Variants in ADGRL3 observed in about 807,000 individuals in gnomAD.
ADGRL3 encodes the protein adhesion G protein-coupled receptor L3.
ADGRL3 carries 62 observed loss-of-function variants against 153.5 expected under a neutral mutation model. That is an observed-to-expected ratio of 0.40 (90% CI 0.33 to 0.50). The LOEUF (loss-of-function observed/expected upper bound fraction) is 0.50. Ranked by LOEUF, ADGRL3 falls within the 20% of genes least tolerant of loss-of-function variation. The probability of loss-of-function intolerance (pLI) is 0.47; values close to 1 mark genes in which losing one functional copy is unlikely to be tolerated. For synonymous variants in ADGRL3, 710 were observed against 672.5 expected (o/e 1.06, Z -0.86); for missense variants, 1,641 against 1,859.4 (o/e 0.88, Z 2.16).
chr4:61,979,487 T>C, intron 17 of ADGRL3, 76 bp from the exon 18 acceptor site: 1 of 1,130,088 alleles, frequency 8.8e-7, no homozygotes, highest in Non-Finnish European at 1.3e-6. Context: ...TCATGCTTTG[T>C]GCATCCAGGC....
chr4:61,649,462 A>T (rs1322063727), intron 5 of ADGRL3, among the ~76,000 whole-genome samples: 4 of 152,098 alleles, frequency 2.6e-5, no homozygotes, highest in Non-Finnish European at 5.9e-5. Flanking sequence ...TGTAGGTGGA[A>T]CTTTGCTCTT....
At chr4:61,405,729 A>G (rs2096986527) in intron 2 of ADGRL3, among the ~76,000 whole-genome samples, 1 of 151,948 alleles carries the variant, frequency 6.6e-6, no homozygotes, top group Admixed American at 6.6e-5. Context: ...CCAAATTCTT[A>G]TGTTGAGAAG....
At chr4:61,595,390 A>C (rs534982426) in intron 5 of ADGRL3, among the ~76,000 whole-genome samples, 1 of 152,190 alleles carries the variant, frequency 6.6e-6, no homozygotes, top group Admixed American at 6.5e-5. Context: ...AAGTCCTTCC[A>C]GGACTGGGCT....
intron 2 of ADGRL3, among the ~76,000 whole-genome samples, chr4:61,413,983 C>T (rs2097117514): frequency 1.3e-5 from 2 of 152,158 alleles, no homozygotes; most frequent in South Asian, 4.1e-4. Flanking sequence ...ATAATTTCTA[C>T]ATATTTGACA....
At chr4:61,609,743 G>A (rs1308656486) in intron 5 of ADGRL3, among the ~76,000 whole-genome samples, 2 of 152,026 alleles carry the variant, frequency 1.3e-5, no homozygotes, top group African/African-American at 4.8e-5. Context: ...ATTTTCAAAT[G>A]TGTAGCATTG....
At chr4:61,620,619 T>C (rs1325148159) in intron 5 of ADGRL3, among the ~76,000 whole-genome samples, 2 of 149,782 alleles carry the variant, frequency 1.3e-5, no homozygotes, top group African/African-American at 4.9e-5. Context: ...ATGGTATATA[T>C]AGTGTAAATT....
In ADGRL3 at chr4:61,760,994, G is replaced by C. The variant is rs147396495; in HGVS notation, c.1399+27440G>C. 2.8e-3 allele frequency among the ~76,000 whole-genome samples: 433 copies of C among 152,308 alleles called. 3 individuals carry two copies. The highest frequency in any genetic ancestry group is 1.0e-2 in the African/African-American group (414 of 41,568). On this transcript the variant is annotated intron_variant, in intron 8 of 26. Coordinates refer to ENST00000683033, the MANE Select transcript of ADGRL3 (RefSeq NM_001387552.1). Reference sequence around the variant, plus strand: ...CCAGGAGTGCTAATTGGTTAGGTAGGAGATGAAATCATAGGGAATTGAAGC... The same window carrying C: ...CCAGGAGTGCTAATTGGTTAGGTAGCAGATGAAATCATAGGGAATTGAAGC...
At chr4:61,300,730 A>C (rs2094552502) in intron 1 of ADGRL3, among the ~76,000 whole-genome samples, 1 of 151,424 alleles carries the variant, frequency 6.6e-6, no homozygotes, top group African/African-American at 2.4e-5. Flanking sequence ...GTTTGTCCCT[A>C]ATGCTTAAGA....
intron 4 of ADGRL3, among the ~76,000 whole-genome samples, chr4:61,536,742 T>C (rs550734079): frequency 1.3e-5 from 2 of 152,238 alleles, no homozygotes; most frequent in Non-Finnish European, 2.9e-5. Context: ...ATGATATATC[T>C]GTCACCACCC....
At chr4:61,408,477 A>G (rs1056530765) in intron 2 of ADGRL3, among the ~76,000 whole-genome samples, 1 of 150,338 alleles carries the variant, frequency 6.7e-6, no homozygotes, top group Non-Finnish European at 1.5e-5. Context: ...CTATACAGAG[A>G]TTACTTTGAT....
intron 6 of ADGRL3, among the ~76,000 whole-genome samples, chr4:61,722,456 T>C (rs764525371): frequency 6.6e-6 from 1 of 152,176 alleles, no homozygotes; most frequent in Non-Finnish European, 1.5e-5. Flanking sequence ...GCTTAAGAAC[T>C]ATGGAATACT....
At chr4:61,431,942 T>C (rs945489290) in intron 2 of ADGRL3, among the ~76,000 whole-genome samples, 2 of 152,172 alleles carry the variant, frequency 1.3e-5, no homozygotes, top group African/African-American at 4.8e-5. Context: ...TAGTTTTGTG[T>C]TGGTGATTGA....
chr4:61,614,811 C>A (rs977028632), intron 5 of ADGRL3, among the ~76,000 whole-genome samples: 1 of 152,114 alleles, frequency 6.6e-6, no homozygotes, highest in Non-Finnish European at 1.5e-5. Flanking sequence ...GACTACCAGT[C>A]ATTATAATCT....
intron 1 of ADGRL3, among the ~76,000 whole-genome samples, chr4:61,354,120 C>A (rs1233625819): frequency 6.6e-6 from 1 of 152,154 alleles, no homozygotes; most frequent in Non-Finnish European, 1.5e-5. Context: ...CTTGTATAAA[C>A]TCATTTAATC....
chr4:61,666,101 T>C (rs775067083), intron 5 of ADGRL3, among the ~76,000 whole-genome samples: 25 of 152,196 alleles, frequency 1.6e-4, no homozygotes, highest in Non-Finnish European at 2.1e-4. Flanking sequence ...TGTGTATTCC[T>C]GTTTTGGTAC....
At chr4:61,951,604 G>C (rs960769194) in intron 17 of ADGRL3, among the ~76,000 whole-genome samples, 2 of 152,322 alleles carry the variant, frequency 1.3e-5, no homozygotes, top group Middle Eastern at 3.4e-3. Context: ...AGTGGCTCAT[G>C]CAAGTAATCC....
chr4:61,668,172 G>A (rs1347193233), intron 5 of ADGRL3, among the ~76,000 whole-genome samples: 1 of 152,108 alleles, frequency 6.6e-6, no homozygotes, highest in Non-Finnish European at 1.5e-5. Flanking sequence ...CTTTTAAGAG[G>A]GACATAGGAA....
intron 1 of ADGRL3, among the ~76,000 whole-genome samples, chr4:61,323,583 G>A (rs2095408204): frequency 6.6e-6 from 1 of 152,060 alleles, no homozygotes; most frequent in African/African-American, 2.4e-5. Flanking sequence ...TCTAGGGCAG[G>A]GGCAAAATGC....
At chr4:62,065,163 T>C (rs1050097764) in intron 25 of ADGRL3, among the ~76,000 whole-genome samples, 19 of 152,086 alleles carry the variant, frequency 1.2e-4, no homozygotes, top group African/African-American at 4.1e-4. Flanking sequence ...CTCTGGTCTT[T>C]AGAGCAAAGA....
Sources: gnomAD v4.1 joint callset for allele counts (sites outside exome capture counted in the v4.1 genomes callset) on GRCh38, gnomAD v4.1.1 for gene constraint, MANE v1.5 for transcripts, NCBI Gene and HGNC (gene_info 2026-07-23, HGNC 2026-07-21) for gene names.